Variants in PDE1A observed in about 807,000 individuals in gnomAD.
PDE1A encodes dual specificity calcium/calmodulin-dependent 3',5'-cyclic nucleotide phosphodiesterase 1A.
PDE1A carries 35 observed loss-of-function variants against 61.7 expected under a neutral mutation model. That is an observed-to-expected ratio of 0.57 (90% CI 0.43 to 0.75). The LOEUF is 0.75. PDE1A is among the 30% of genes least tolerant of loss of function. The pLI, the probability that PDE1A is intolerant of heterozygous loss-of-function variation, is 0.00. For synonymous variants in PDE1A, 232 were observed against 213.2 expected (o/e 1.09, Z -0.77); for missense variants, 597 against 630.6 (o/e 0.95, Z 0.57).
chr2:182,418,617 A>G (rs1328339742), intron 1 of PDE1A, among the ~76,000 whole-genome samples: 2 of 152,226 alleles, frequency 1.3e-5, no homozygotes, highest in Admixed American at 1.3e-4. Flanking sequence ...CAAAAAAAGC[A>G]TAAGCGTTTT....
chr2:182,677,010 A>C, the PDE1A span, among the ~76,000 whole-genome samples: 77 of 152,284 alleles, frequency 5.1e-4, no homozygotes, highest in African/African-American at 1.8e-3. Context: ...GGCACAAGAC[A>C]AGGATGCTCT....
intron 1 of PDE1A, among the ~76,000 whole-genome samples, chr2:182,268,040 T>C (rs1442868875): frequency 1.3e-5 from 2 of 152,258 alleles, no homozygotes; most frequent in South Asian, 2.1e-4. Context: ...GCAAAAATTC[T>C]TTTTAATAAT....
At chr2:182,148,554 C>T (rs990107388) in intron 13 of PDE1A, among the ~76,000 whole-genome samples, 7 of 152,144 alleles carry the variant, frequency 4.6e-5, no homozygotes, top group South Asian at 2.1e-4. Context: ...TTACAATGTC[C>T]ACAGCCCCTG....
chr2:182,333,253 C>A (rs998494843), intron 1 of PDE1A, among the ~76,000 whole-genome samples: 4 of 152,140 alleles, frequency 2.6e-5, no homozygotes, highest in African/African-American at 9.7e-5. Flanking sequence ...ACAGAACTCT[C>A]CATCCCAAAT....
the PDE1A span, among the ~76,000 whole-genome samples, chr2:182,577,238 C>T: frequency 2.0e-5 from 3 of 152,046 alleles, no homozygotes; most frequent in East Asian, 1.9e-4. Flanking sequence ...GAGGTGAAGC[C>T]GAGTTTCAAA....
chr2:182,579,870 T>C, the PDE1A span, among the ~76,000 whole-genome samples: 1 of 152,182 alleles, frequency 6.6e-6, no homozygotes, highest in South Asian at 2.1e-4. Flanking sequence ...ATTAATTCCA[T>C]GAGAACAACA....
At chr2:182,522,493 G>C (rs1690631085) in intron 1 of PDE1A, 1 of 1,530,098 alleles carries the variant, frequency 6.5e-7, no homozygotes, top group South Asian at 1.2e-5. Flanking sequence ...TATCAAAACA[G>C]TGCTGATGTA....
chr2:182,469,223 G>C (rs1686870958), intron 2 of PDE1A, among the ~76,000 whole-genome samples: 1 of 151,762 alleles, frequency 6.6e-6, no homozygotes. Context: ...ATAGAAATCT[G>C]TGTCATCTAC....
intron 1 of PDE1A, among the ~76,000 whole-genome samples, chr2:182,363,387 A>G (rs10803955): frequency 0.46 from 69,264 of 150,896 alleles, 16,903 homozygotes; most frequent in East Asian, 0.67. Flanking sequence ...AATGAAGTAT[A>G]TGATATATTA....
At position 182,171,930 on chromosome 2, in the gene PDE1A, CAG is replaced by C. The variant is rs141317215; in HGVS notation, c.1517-3642_1517-3641del. ...TCCCAAATTTCCACACTTCCTGTCC[CAG>C]AGTTTTCAGAAGCCACAAAACTCCC... On this transcript the variant is annotated intron_variant, in intron 13 of 13. Coordinates refer to ENST00000351439, the Ensembl canonical transcript of PDE1A. Among the ~76,000 whole-genome samples the C allele has an allele frequency of 7.4e-3, 1,120 of 151,992 alleles. 8 individuals are homozygous for C. Among genetic ancestry groups the C allele is most frequent in the African/African-American group, 0.025 (1,024 of 41,482 alleles).
At chr2:182,710,387 C>G in the PDE1A span, among the ~76,000 whole-genome samples, 1 of 152,132 alleles carries the variant, frequency 6.6e-6, no homozygotes, top group Non-Finnish European at 1.5e-5. Flanking sequence ...AAAATCTGCT[C>G]TCTTACCAAA....
At chr2:182,248,912 A>G (rs1038185054) in intron 2 of PDE1A, among the ~76,000 whole-genome samples, 14 of 152,226 alleles carry the variant, frequency 9.2e-5, no homozygotes, top group African/African-American at 3.1e-4. Flanking sequence ...CTAACATTTC[A>G]TGGGCTCAGG....
At chr2:182,250,609 T>C (rs1400501174) in intron 2 of PDE1A, among the ~76,000 whole-genome samples, 1 of 152,182 alleles carries the variant, frequency 6.6e-6, no homozygotes, top group Non-Finnish European at 1.5e-5. Context: ...TCCTCTGGTA[T>C]TGTTAGCCTC....
chr2:182,355,303 T>G (rs1033713816), intron 1 of PDE1A, among the ~76,000 whole-genome samples: 1 of 152,010 alleles, frequency 6.6e-6, no homozygotes, highest in Non-Finnish European at 1.5e-5. Context: ...TTTCTGAATT[T>G]GTTTTGATAC....
chr2:182,348,262 T>C (rs1376280480), intron 1 of PDE1A, among the ~76,000 whole-genome samples: 4 of 152,288 alleles, frequency 2.6e-5, no homozygotes, highest in Admixed American at 2.6e-4. Flanking sequence ...TTCTCCATTT[T>C]GTGTATGTTG....
intron 1 of PDE1A, among the ~76,000 whole-genome samples, chr2:182,340,696 GC>G (rs1178788657): frequency 6.6e-6 from 1 of 152,106 alleles, no homozygotes; most frequent in Admixed American, 6.5e-5. Flanking sequence ...CTTTTCTGTA[GC>G]CCTGATGTTA....
chr2:182,215,983 A>G (rs201822157), intron 7 of PDE1A, among the ~76,000 whole-genome samples: 1 of 108,180 alleles, frequency 9.2e-6, no homozygotes, highest in Non-Finnish European at 1.8e-5. Flanking sequence ...TTTTAGACCA[A>G]TATCCTTGAT....
the PDE1A span, among the ~76,000 whole-genome samples, chr2:182,672,035 A>G: frequency 6.6e-6 from 1 of 152,148 alleles, no homozygotes; most frequent in Non-Finnish European, 1.5e-5. Flanking sequence ...TTGCTAGAAC[A>G]TTTAATGTGT....
In PDE1A at chr2:182,231,137, G is replaced by T; in HGVS notation, c.418-6C>A. On this transcript the variant is annotated splice_polypyrimidine_tract_variant and splice_region_variant and intron_variant, in intron 4 of 13. Coordinates refer to ENST00000351439, the Ensembl canonical transcript of PDE1A. ...AAAGACCATTTATCAACATCCTGTA[G>T]AAAAAAGAATAAATACTTTAGGTGC... 1 of 1,436,162 alleles carries T rather than the reference G, an allele frequency of 7.0e-7. No individual in the cohort carries two copies. Among genetic ancestry groups the T allele is most frequent in the Non-Finnish European group, 9.7e-7 (1 of 1,025,672 alleles). The allele number at this position is 1,436,162 out of a possible 1,614,324, so 89.0% of individuals were successfully genotyped here. A position where few individuals can be genotyped will look rare whatever the true frequency, so the allele number is the denominator to read the frequency against.
Sources: allele counts gnomAD v4.1 joint callset (sites outside exome capture counted in the v4.1 genomes callset), GRCh38; gene constraint gnomAD v4.1.1; transcripts MANE v1.5; gene names NCBI Gene and HGNC (gene_info 2026-07-23, HGNC 2026-07-21).